Variants in MAP3K4 observed in about 807,000 individuals in gnomAD.
MAP3K4 encodes the protein mitogen-activated protein kinase kinase kinase 4, also known as MAP three kinase 1.
Under a neutral mutation model 185.6 loss-of-function variants are expected in MAP3K4, and 67 were observed. The observed-to-expected ratio is 0.36, with a 90% CI of 0.30 to 0.44. The LOEUF (loss-of-function observed/expected upper bound fraction) is 0.44. Among genes scored for constraint, MAP3K4 ranks in the 20% least tolerant of loss-of-function variants. The pLI is 1.00. For missense variants in MAP3K4, 1,551 were observed against 1,995.1 expected (o/e 0.78, Z 4.24); for synonymous variants, 702 against 710.4 (o/e 0.99, Z 0.19).
At chr6:161,023,572 A>G (rs949597514) in intron 1 of MAP3K4, among the ~76,000 whole-genome samples, 20 of 152,376 alleles carry the variant, frequency 1.3e-4, no homozygotes, top group Admixed American at 1.2e-3. Flanking sequence ...GCACTGGTGC[A>G]TGGATCAGAT....
rs1318986919 is a variant in MAP3K4, at chr6:161,088,516, C to G, written c.2823+562C>G. 6.6e-6 allele frequency among the ~76,000 whole-genome samples: 1 copy of G among 152,202 alleles called. No individual in the cohort carries two copies. Among genetic ancestry groups the G allele is most frequent in the Non-Finnish European group, 1.5e-5 (1 of 68,040 alleles). Reference sequence around the variant, plus strand: ...GAGTATACACTGGCCTGCTGTATCCCTCACCCCAACAACTCTGCTTTTATA... The same window carrying G: ...GAGTATACACTGGCCTGCTGTATCCGTCACCCCAACAACTCTGCTTTTATA... On this transcript the variant is annotated intron_variant, in intron 10 of 26. Transcript: ENST00000392142. This position sits in a 1 kb window ranked among gnomAD's most constrained non-coding sequence, Gnocchi z 4.5.
chr6:161,102,172 T>C (rs962927905), intron 18 of MAP3K4, among the ~76,000 whole-genome samples, 180 bp downstream of exon 18: 3 of 152,230 alleles, frequency 2.0e-5, no homozygotes, highest in South Asian at 2.1e-4. Flanking sequence ...GCTGAGCACA[T>C]TGGCCTTTTA....
At position 161,101,020 on chromosome 6, in the gene MAP3K4, TATA is replaced by T. The variant is rs1179268155; in HGVS notation, c.3675-867_3675-865del. 1 of 152,250 alleles carries T rather than the reference TATA, an allele frequency of 6.6e-6. No individual in the cohort carries two copies. The highest frequency in any genetic ancestry group is 2.4e-5 in the African/African-American group (1 of 41,464). The allele number at this position is 152,250 out of a possible 1,614,324, so 9.4% of individuals were successfully genotyped here. A position where few individuals can be genotyped will look rare whatever the true frequency, so the allele number is the denominator to read the frequency against. On this transcript the variant is annotated intron_variant, in intron 17 of 26. Transcript: ENST00000392142. The surrounding 1 kb of genome is among the most constrained non-coding windows in gnomAD (Gnocchi z 5.1). Reference sequence around the variant, plus strand: ...TCATGTTGCCTTCAACCTATCAATGTATAATAAGAGCATAAATGCTACCATACT... The same window carrying T: ...TCATGTTGCCTTCAACCTATCAATGTATAAGAGCATAAATGCTACCATACT...
intron 11 of MAP3K4, among the ~76,000 whole-genome samples, chr6:161,090,071 C>T (rs981520288): frequency 3.9e-5 from 6 of 152,228 alleles, no homozygotes; most frequent in Non-Finnish European, 7.3e-5. Flanking sequence ...TTCTCACTCA[C>T]ATTAAGGCTT....
chr6:161,070,907 T>A lies in MAP3K4; in HGVS notation c.1950+57T>A. ...CAATTATTATATTATCCTACAGGCT[T>A]ATCATTTTTATTTTGAGAGTTCCTT... On this transcript the variant is annotated intron_variant, in intron 4 of 26. Transcript: ENST00000392142. The surrounding 1 kb of genome is among the most constrained non-coding windows in gnomAD (Gnocchi z 4.5). 7.0e-7 allele frequency: 1 copy of A among 1,424,890 alleles called. No individual in the cohort carries two copies. 88.3% of individuals were successfully genotyped at this position (1,424,890 alleles called of 1,614,324 possible).
chr6:161,111,896 T>C lies in MAP3K4; in HGVS notation c.4457T>C (p.Val1486Ala), dbSNP rs1316091952. The change falls in exon 24 of 27, where the codon GTA (valine) becomes GCA (alanine). Residue 1486 changes from valine (V) to alanine (A), a missense_variant. Physicochemically the swap from Val to Ala is moderately conservative, Grantham distance 64. Coordinates refer to ENST00000392142, the MANE Select transcript of MAP3K4 (RefSeq NM_005922.4). ...AAACTGGGAGATTTTGGATGTTCAG[T>C]AAAGCTCAAAAACAATGCCCAGACC... ...LIKLGDFGCS[V>A]KLKNNAQTMP... The C allele has an allele frequency of 1.2e-6, 2 of 1,614,160 alleles. No individual in the cohort carries two copies. Among genetic ancestry groups the C allele is most frequent in the Admixed American group, 3.3e-5 (2 of 60,028 alleles).
chr6:161,029,042 C>T (rs1369883048), intron 1 of MAP3K4, among the ~76,000 whole-genome samples: 1 of 152,134 alleles, frequency 6.6e-6, no homozygotes, highest in Non-Finnish European at 1.5e-5. Flanking sequence ...AAAAGGAAAC[C>T]TAGAAAATCT....
At chr6:161,094,049 A>G (rs1583224607) in intron 15 of MAP3K4, among the ~76,000 whole-genome samples, 198 bp downstream of exon 15, 2 of 152,350 alleles carry the variant, frequency 1.3e-5, no homozygotes, top group South Asian at 4.1e-4. Context: ...GAAGATTAAA[A>G]CGTCAGCCAT....
chr6:161,105,294 G>A (rs1330181516), intron 19 of MAP3K4, among the ~76,000 whole-genome samples: 3 of 152,204 alleles, frequency 2.0e-5, no homozygotes, highest in Non-Finnish European at 4.4e-5. Context: ...AATGGCAATA[G>A]CTAATATTTA....
chr6:161,081,062 C>T (rs9347479), intron 6 of MAP3K4, 24 bp downstream of exon 6: 1,245,453 of 1,609,440 alleles, frequency 0.77, 485,688 homozygotes, highest in East Asian at 0.99. Context: ...TGCTTCTGAA[C>T]GCGACGCTCC....
Position 161,115,140 on chromosome 6 carries a change from T to C in MAP3K4, c.4644T>C (p.Tyr1548=). The C allele has an allele frequency of 6.2e-7, 1 of 1,612,736 alleles. No individual in the cohort carries two copies. The highest frequency in any genetic ancestry group is 8.5e-7 in the Non-Finnish European group (1 of 1,179,164). The change falls in exon 26 of 27, where the codon TAT becomes TAC. Residue 1548 remains tyrosine (Y), a synonymous_variant. Coordinates refer to ENST00000392142, the MANE Select transcript of MAP3K4 (RefSeq NM_005922.4). The surrounding 1 kb of genome is among the most constrained non-coding windows in gnomAD (Gnocchi z 6.0). ...TTTTTTAGAGGCCTTGGCATGAGTA[T>C]GAGCACAACTTTCAAATTATGTATA... The part of the protein sequence containing the change: ...MVTGKRPWHE[Y]EHNFQIMYKV...
chr6:161,116,922 A>T lies in MAP3K4; in HGVS notation c.*52A>T, dbSNP rs1214603686. 6.6e-7 allele frequency: 1 copy of T among 1,520,636 alleles called. No homozygotes were observed. The highest frequency in any genetic ancestry group is 1.1e-5 in the South Asian group (1 of 89,234). The allele number at this position is 1,520,636 out of a possible 1,614,324, so 94.2% of individuals were successfully genotyped here. A position where few individuals can be genotyped will look rare whatever the true frequency, so the allele number is the denominator to read the frequency against. On this transcript the variant is annotated 3_prime_UTR_variant, in exon 27 of 27. Transcript: ENST00000392142. The surrounding 1 kb of genome is among the most constrained non-coding windows in gnomAD (Gnocchi z 6.2). The stretch of plus-strand genomic sequence containing the variant: ...ATTCTCTTAATCACTACTGTATGTA[A>T]TATTTACATAAAGACTGTGCTGAGA...
intron 1 of MAP3K4, among the ~76,000 whole-genome samples, chr6:161,033,592 TTG>T: frequency 6.6e-6 from 1 of 152,340 alleles, no homozygotes; most frequent in South Asian, 2.1e-4. Flanking sequence ...CAATTTTTTA[TTG>T]TGTTAAAATA....
Position 161,091,303 on chromosome 6 carries a change from G to T in MAP3K4, c.2974-76G>T. 1 of 1,288,340 alleles carries T rather than the reference G, an allele frequency of 7.8e-7. No homozygotes were observed. Among genetic ancestry groups the T allele is most frequent in the Non-Finnish European group, 1.1e-6 (1 of 936,972 alleles). 79.8% of individuals were successfully genotyped at this position (1,288,340 alleles called of 1,614,324 possible). A position where few individuals can be genotyped will look rare whatever the true frequency, so the allele number is the denominator to read the frequency against. On this transcript the variant is annotated intron_variant, in intron 11 of 26. Coordinates refer to ENST00000392142, the MANE Select transcript of MAP3K4 (RefSeq NM_005922.4). This position sits in a 1 kb window ranked among gnomAD's most constrained non-coding sequence, Gnocchi z 5.5. ...GGTTAATGTCTGTGTGATGATGAAC[G>T]AAATCTTCCTTTAAAATGTGGTAAG...
Position 161,112,030 on chromosome 6 carries a change from A to G in MAP3K4, c.4519+72A>G. On this transcript the variant is annotated intron_variant, in intron 24 of 26. Coordinates refer to ENST00000392142, the MANE Select transcript of MAP3K4 (RefSeq NM_005922.4). The surrounding 1 kb of genome is among the most constrained non-coding windows in gnomAD (Gnocchi z 5.1). Reference sequence around the variant, plus strand: ...TGCTTGGGGCCTGCATGTTCCCTTCACCTTTGTTTGTCAGTAGAGATGGGA... The same window carrying G: ...TGCTTGGGGCCTGCATGTTCCCTTCGCCTTTGTTTGTCAGTAGAGATGGGA... 1 of 1,568,144 alleles carries G rather than the reference A, an allele frequency of 6.4e-7. No individual in the cohort carries two copies.
rs144710519 is a variant in MAP3K4 at position 161,084,778 on chromosome 6, A to G, written c.2372+161A>G. Among the ~76,000 whole-genome samples the G allele has an allele frequency of 8.5e-5, 13 of 152,326 alleles. 1 individual carries two copies. The East Asian group carries it at 2.5e-3, about 29-fold the overall frequency. The stretch of plus-strand genomic sequence containing the variant: ...TTATTTATAACTGCCTTGTCTTTTC[A>G]TGTGATTTCTTAGTTATGGTTTTAT... On this transcript the variant is annotated intron_variant, in intron 7 of 26. Coordinates refer to ENST00000392142, the MANE Select transcript of MAP3K4 (RefSeq NM_005922.4). This position sits in a 1 kb window ranked among gnomAD's most constrained non-coding sequence, Gnocchi z 4.6.
intron 1 of MAP3K4, among the ~76,000 whole-genome samples, chr6:161,029,457 C>A (rs1385400847): frequency 6.6e-6 from 1 of 152,122 alleles, no homozygotes; most frequent in Non-Finnish European, 1.5e-5. Flanking sequence ...CACCAAACTC[C>A]CTTGGGTTGA....
chr6:161,101,710 C>T lies in MAP3K4; in HGVS notation c.3675-182C>T, dbSNP rs530074173. On this transcript the variant is annotated intron_variant, in intron 17 of 26. Transcript: ENST00000392142. The surrounding 1 kb of genome is among the most constrained non-coding windows in gnomAD (Gnocchi z 5.1). ...TGGTGGGTCTGTCCTGTGCGTTTTC[C>T]GCTGCCCACTAGATGCCAGTAGCAC... 4.2e-5 allele frequency: 24 copies of T among 565,922 alleles called. No homozygotes were observed. The highest frequency in any genetic ancestry group is 6.2e-5 in the East Asian group (2 of 32,504). The allele number at this position is 565,922 out of a possible 1,614,324, so 35.1% of individuals were successfully genotyped here. A position where few individuals can be genotyped will look rare whatever the true frequency, so the allele number is the denominator to read the frequency against.
intron 3 of MAP3K4, among the ~76,000 whole-genome samples, chr6:161,059,614 ACTT>A (rs1449022871): frequency 6.6e-6 from 1 of 152,188 alleles, no homozygotes; most frequent in African/African-American, 2.4e-5. Flanking sequence ...GGTTGTAAAT[ACTT>A]CTTTCAATTT....
Sources: allele counts gnomAD v4.1 joint callset (sites outside exome capture counted in the v4.1 genomes callset), GRCh38; gene constraint gnomAD v4.1.1; non-coding constraint Gnocchi (gnomAD v3.1); transcripts MANE v1.5; gene names NCBI Gene and HGNC (gene_info 2026-07-23, HGNC 2026-07-21).